Variants in PCED1B observed in about 807,000 individuals in gnomAD.
PCED1B encodes PC-esterase domain-containing protein 1B.
For synonymous variants in PCED1B, 251 were observed against 246.1 expected (o/e 1.02, Z -0.19); for missense variants, 573 against 573.9 (o/e 1.00, Z 0.02).
chr12:47,093,261 A>G (rs993879897), intron 1 of PCED1B, among the ~76,000 whole-genome samples: 1 of 152,024 alleles, frequency 6.6e-6, no homozygotes, highest in African/African-American at 2.4e-5. Flanking sequence ...TGTCAAATTT[A>G]TCAGCATAAA....
At chr12:47,233,486 G>A (rs1250655215) in intron 3 of PCED1B, among the ~76,000 whole-genome samples, 1 of 152,232 alleles carries the variant, frequency 6.6e-6, no homozygotes, top group East Asian at 1.9e-4. Context: ...TGAAACTCAA[G>A]GGGCTTTGGG....
At position 47,124,680 on chromosome 12, in the gene PCED1B, C is replaced by T. The variant is rs1939817274; in HGVS notation, c.-526+20485C>T. Among the ~76,000 whole-genome samples, 3 of 151,836 alleles carry T rather than the reference C, an allele frequency of 2.0e-5. No homozygotes were observed. The South Asian group carries it at 6.2e-4, about 31-fold the overall frequency. On this transcript the variant is annotated intron_variant, in intron 2 of 3. Transcript: ENST00000546455. Reference sequence around the variant, plus strand: ...CATTCCAGTTGCTCAACATGCTAACCAGCACTTGTTATGATCAGTCTTTAA... The same window carrying T: ...CATTCCAGTTGCTCAACATGCTAACTAGCACTTGTTATGATCAGTCTTTAA...
intron 2 of PCED1B, among the ~76,000 whole-genome samples, chr12:47,143,691 A>G (rs1940680090): frequency 6.6e-6 from 1 of 152,218 alleles, no homozygotes; most frequent in Non-Finnish European, 1.5e-5. Context: ...ATCCCTATCA[A>G]AATTCCCATG....
chr12:47,120,228 G>A (rs1274762423), intron 2 of PCED1B, among the ~76,000 whole-genome samples: 1 of 152,108 alleles, frequency 6.6e-6, no homozygotes, highest in African/African-American at 2.4e-5. Context: ...CTCCTGTGCT[G>A]CTAGTGGAAA....
At chr12:47,126,840 T>C (rs935024247) in intron 2 of PCED1B, among the ~76,000 whole-genome samples, 1 of 152,212 alleles carries the variant, frequency 6.6e-6, no homozygotes, top group Non-Finnish European at 1.5e-5. Flanking sequence ...GAGTCCATAG[T>C]GCTGTTAGCT....
At position 47,129,600 on chromosome 12, in the gene PCED1B, A is replaced by T. The variant is rs59828619; in HGVS notation, c.-526+25405A>T. On this transcript the variant is annotated intron_variant, in intron 2 of 3. Transcript: ENST00000546455. Reference sequence around the variant, plus strand: ...CTAGTCCTAGCCAATTAAAAAAAAAATTTTTTTAAAGAAAAAAAAGAGTGG... The same window carrying T: ...CTAGTCCTAGCCAATTAAAAAAAAATTTTTTTTAAAGAAAAAAAAGAGTGG... Among the ~76,000 whole-genome samples the T allele has an allele frequency of 9.4e-3, 1,384 of 146,952 alleles. 13 individuals are homozygous for T. Among genetic ancestry groups the T allele is most frequent in the African/African-American group, 0.029 (1,193 of 41,076 alleles).
At chr12:47,081,501 A>G (rs561453094) in intron 1 of PCED1B, among the ~76,000 whole-genome samples, 1 of 152,346 alleles carries the variant, frequency 6.6e-6, no homozygotes, top group East Asian at 1.9e-4. Flanking sequence ...GATTCAGATT[A>G]ATTTATTTCA....
intron 2 of PCED1B, chr12:47,210,308 A>G (rs1351447601): frequency 6.6e-6 from 1 of 152,236 alleles, no homozygotes; most frequent in Non-Finnish European, 1.5e-5. Flanking sequence ...TCATGATACC[A>G]AAATATAAAG....
chr12:47,186,883 C>T (rs1031390135), intron 2 of PCED1B, among the ~76,000 whole-genome samples: 3 of 152,142 alleles, frequency 2.0e-5, no homozygotes, highest in African/African-American at 7.2e-5. Flanking sequence ...TTTTTATATC[C>T]TATTGGCCAG....
intron 2 of PCED1B, among the ~76,000 whole-genome samples, chr12:47,108,990 A>T (rs1288082055): frequency 1.3e-5 from 2 of 152,216 alleles, no homozygotes; most frequent in Non-Finnish European, 2.9e-5. Context: ...GAATTCTTTC[A>T]TCTTTTGGAT....
intron 1 of PCED1B, among the ~76,000 whole-genome samples, chr12:47,093,371 T>A (rs1168207370): frequency 6.6e-6 from 1 of 151,878 alleles, no homozygotes; most frequent in Non-Finnish European, 1.5e-5. Context: ...TTTGTCTATT[T>A]TTTTTTCTTT....
At chr12:47,094,759 A>G (rs192983959) in intron 1 of PCED1B, among the ~76,000 whole-genome samples, 1 of 152,262 alleles carries the variant, frequency 6.6e-6, no homozygotes, top group East Asian at 1.9e-4. Context: ...ATTTTATACT[A>G]CAAACGACGT....
intron 3 of PCED1B, among the ~76,000 whole-genome samples, chr12:47,220,993 A>T (rs915216223): frequency 2.0e-5 from 3 of 152,236 alleles, no homozygotes; most frequent in African/African-American, 7.2e-5. Context: ...AGAAAGGATC[A>T]TATCCCAAGA....
intron 2 of PCED1B, among the ~76,000 whole-genome samples, chr12:47,169,358 A>G (rs1235753361): frequency 6.6e-6 from 1 of 152,082 alleles, no homozygotes; most frequent in African/African-American, 2.4e-5. Context: ...GGTACCTCTC[A>G]TGTGAGGGTC....
chr12:47,216,377 G>A lies in PCED1B; in HGVS notation c.-370G>A, dbSNP rs1943261131. On this transcript the variant is annotated 5_prime_UTR_variant, in exon 3 of 4. It removes the in-frame stop codon of an upstream open reading frame in the 5' UTR. Coordinates refer to ENST00000546455, the MANE Select transcript of PCED1B (RefSeq NM_138371.3). ...TCCAGGAAGATGCTGTCTTTGTATT[G>A]ACTTACCATTTCATGTTTTCACACA... 6.6e-6 allele frequency: 1 copy of A among 152,198 alleles called. No individual in the cohort carries two copies. The highest frequency in any genetic ancestry group is 2.4e-5 in the African/African-American group (1 of 41,442). The allele number at this position is 152,198 out of a possible 1,614,324, so 9.4% of individuals were successfully genotyped here. A position where few individuals can be genotyped will look rare whatever the true frequency, so the allele number is the denominator to read the frequency against.
intron 2 of PCED1B, among the ~76,000 whole-genome samples, chr12:47,194,843 T>C (rs1225608937): frequency 2.0e-5 from 3 of 152,226 alleles, no homozygotes; most frequent in Admixed American, 6.5e-5. Context: ...AATGGCATTG[T>C]TGTGTTCAGA....
chr12:47,100,210 A>G (rs1938643322), intron 1 of PCED1B, among the ~76,000 whole-genome samples: 1 of 152,236 alleles, frequency 6.6e-6, no homozygotes, highest in African/African-American at 2.4e-5. Flanking sequence ...CAAGGGTAGT[A>G]TTCAGAACAC....
chr12:47,152,992 G>A (rs545661792), intron 2 of PCED1B, among the ~76,000 whole-genome samples: 7 of 151,992 alleles, frequency 4.6e-5, no homozygotes, highest in South Asian at 2.1e-4. Context: ...TTTAGAAAAC[G>A]ATTATTACAT....
chr12:47,087,640 A>G (rs942951718), intron 1 of PCED1B, among the ~76,000 whole-genome samples: 14 of 152,232 alleles, frequency 9.2e-5, no homozygotes, highest in African/African-American at 3.4e-4. Context: ...AGTATTTGCA[A>G]CAGAAAATAT....
Sources: allele counts gnomAD v4.1 joint callset (sites outside exome capture counted in the v4.1 genomes callset), GRCh38; gene constraint gnomAD v4.1.1; transcripts MANE v1.5; gene names NCBI Gene and HGNC (gene_info 2026-07-23, HGNC 2026-07-21).